PDE4D: variants seen among roughly 807,000 people sequenced by gnomAD.
PDE4D encodes phosphodiesterase 4D, also known as 3',5'-cyclic-AMP phosphodiesterase 4D.
In PDE4D, 24 loss-of-function variants were observed where a neutral mutation model predicts 87.4. The observed-to-expected ratio is 0.27, with a 90% CI of 0.20 to 0.39. The LOEUF (loss-of-function observed/expected upper bound fraction) is 0.39. Among genes scored for constraint, PDE4D ranks in the 10% least tolerant of loss-of-function variants. The pLI is 1.00. For missense variants in PDE4D, 714 were observed against 1,041.0 expected (o/e 0.69, Z 4.32); for synonymous variants, 384 against 383.2 (o/e 1.00, Z -0.02).
At chr5:60,494,629 A>T (rs3887175) in intron 1 of PDE4D, among the ~76,000 whole-genome samples, 22,647 of 152,070 alleles carry the variant, frequency 0.15, 1,763 homozygotes, top group Non-Finnish European at 0.18. Flanking sequence ...AAGGGGCCTA[A>T]CCTCCCTCCC....
At chr5:59,419,983 C>G (rs1230508102) in intron 1 of PDE4D, among the ~76,000 whole-genome samples, 4 of 152,166 alleles carry the variant, frequency 2.6e-5, no homozygotes, top group East Asian at 3.9e-4. Flanking sequence ...ATCACACTTA[C>G]TAGTGAACAT....
At chr5:59,205,693 CACACA>C (rs1748618577) in intron 2 of PDE4D, among the ~76,000 whole-genome samples, 4 of 149,704 alleles carry the variant, frequency 2.7e-5, no homozygotes, top group Non-Finnish European at 4.4e-5. Flanking sequence ...CACACACACA[CACACA>C]CCAATCCACA....
intron 2 of PDE4D, chr5:60,147,808 CA>C (rs975870319): frequency 1.5e-5 from 7 of 455,498 alleles, no homozygotes; most frequent in African/African-American, 1.4e-4. Context: ...CATATTTTAC[CA>C]TGTGGCCTTC....
intron 2 of PDE4D, among the ~76,000 whole-genome samples, chr5:59,201,712 A>T (rs1264760865): frequency 1.3e-5 from 2 of 152,200 alleles, no homozygotes; most frequent in South Asian, 4.1e-4. Context: ...CCTAGGGAAT[A>T]AAGTTCCTAA....
intron 1 of PDE4D, among the ~76,000 whole-genome samples, chr5:59,850,821 CTT>C (rs1419455442): frequency 6.6e-6 from 1 of 152,014 alleles, no homozygotes; most frequent in African/African-American, 2.4e-5. Context: ...GAGATGAGAA[CTT>C]GAGTAGACTA....
intron 3 of PDE4D, among the ~76,000 whole-genome samples, chr5:59,903,074 C>T (rs754152908): frequency 4.3e-4 from 66 of 152,254 alleles, no homozygotes; most frequent in South Asian, 6.2e-4. Flanking sequence ...CTGCGAGTTG[C>T]CCAATCCTGG....
chr5:59,934,688 C>A (rs1756375238), intron 3 of PDE4D, among the ~76,000 whole-genome samples: 1 of 152,160 alleles, frequency 6.6e-6, no homozygotes, highest in Admixed American at 6.5e-5. Flanking sequence ...CAATCACTTT[C>A]AGGTAAGGGA....
intron 1 of PDE4D, among the ~76,000 whole-genome samples, chr5:59,565,359 A>G (rs1820699056): frequency 6.6e-6 from 1 of 152,152 alleles, no homozygotes; most frequent in East Asian, 1.9e-4. Flanking sequence ...TATTTACAAA[A>G]AAATAAAAAA....
chr5:59,297,486 G>A (rs183850036), intron 1 of PDE4D, among the ~76,000 whole-genome samples: 33 of 152,232 alleles, frequency 2.2e-4, no homozygotes, highest in African/African-American at 7.5e-4. Flanking sequence ...CAAAAAGAGG[G>A]ACGGGTAGTG....
At chr5:59,983,388 G>A (rs1762114399) in intron 3 of PDE4D, among the ~76,000 whole-genome samples, 1 of 151,866 alleles carries the variant, frequency 6.6e-6, no homozygotes, top group African/African-American at 2.4e-5. Flanking sequence ...CAGGTCCCTA[G>A]GATTACCAAC....
At position 59,880,258 on chromosome 5, in the gene PDE4D, C is replaced by T. The variant is rs1749244761; in HGVS notation, c.455+12910G>A. On this transcript the variant is annotated intron_variant, in intron 1 of 14. Coordinates refer to ENST00000340635, the MANE Select transcript of PDE4D (RefSeq NM_001104631.2). ...GTAGGTGGGACCAATCAGAGGTGCACGCCACCACACCCAGCTAATTATTGT... is the reference window on the plus strand; with the variant it reads ...GTAGGTGGGACCAATCAGAGGTGCATGCCACCACACCCAGCTAATTATTGT... Among the ~76,000 whole-genome samples, 4 of 152,084 alleles carry T rather than the reference C, an allele frequency of 2.6e-5. No homozygotes were observed. The South Asian group carries it at 8.3e-4, about 32-fold the overall frequency.
At chr5:59,540,870 C>T (rs1816214770) in intron 1 of PDE4D, among the ~76,000 whole-genome samples, 2 of 152,120 alleles carry the variant, frequency 1.3e-5, no homozygotes, top group South Asian at 4.1e-4. Context: ...TCTGTTGTGT[C>T]ATTGTGCTGA....
At chr5:59,555,168 G>C (rs1248119305) in intron 1 of PDE4D, among the ~76,000 whole-genome samples, 3 of 152,176 alleles carry the variant, frequency 2.0e-5, no homozygotes, top group African/African-American at 7.2e-5. Context: ...ATGCTATACA[G>C]TCATACAAAA....
At chr5:60,037,958 C>A (rs972490003) in intron 2 of PDE4D, among the ~76,000 whole-genome samples, 1 of 151,940 alleles carries the variant, frequency 6.6e-6, no homozygotes, top group African/African-American at 2.4e-5. Context: ...ATTTATATCA[C>A]CTTCATTTTG....
At chr5:59,844,579 A>G (rs1743534836) in intron 1 of PDE4D, among the ~76,000 whole-genome samples, 2 of 152,070 alleles carry the variant, frequency 1.3e-5, no homozygotes. Flanking sequence ...GGAAATTGCT[A>G]TCCTGTCATT....
chr5:59,322,756 C>T (rs182984000), intron 1 of PDE4D, among the ~76,000 whole-genome samples: 1 of 152,188 alleles, frequency 6.6e-6, no homozygotes, highest in Admixed American at 6.5e-5. Context: ...AAGTATTGAA[C>T]ATTTCTACTT....
At chr5:60,335,908 A>G (rs899325118) in intron 1 of PDE4D, among the ~76,000 whole-genome samples, 1 of 152,236 alleles carries the variant, frequency 6.6e-6, no homozygotes, top group South Asian at 2.1e-4. Flanking sequence ...ATTAACTGAT[A>G]GCACTAATAT....
At chr5:59,563,140 G>A (rs529589484) in intron 1 of PDE4D, among the ~76,000 whole-genome samples, 1 of 152,384 alleles carries the variant, frequency 6.6e-6, no homozygotes, top group African/African-American at 2.4e-5. Context: ...CACCAAGGAA[G>A]TGGCTGGGTG....
At chr5:59,076,560 T>C (rs1488288931) in intron 5 of PDE4D, among the ~76,000 whole-genome samples, 2 of 152,192 alleles carry the variant, frequency 1.3e-5, no homozygotes, top group Non-Finnish European at 2.9e-5. Context: ...ATACAGTTCA[T>C]GCAATTAACA....
Sources: gnomAD v4.1 joint callset for allele counts (sites outside exome capture counted in the v4.1 genomes callset) on GRCh38, gnomAD v4.1.1 for gene constraint, MANE v1.5 for transcripts, NCBI Gene and HGNC (gene_info 2026-07-23, HGNC 2026-07-21) for gene names.